The following FAM83G variants were observed in gnomAD, a reference collection of about 807,000 sequenced individuals.
The protein encoded by FAM83G is scaffolding CK1 anchoring protein G.
A neutral mutation model predicts 61.5 loss-of-function variants in FAM83G; 38 were observed. The ratio of observed to expected loss-of-function variants is 0.62; its 90% confidence interval spans 0.48 to 0.81. The LOEUF (loss-of-function observed/expected upper bound fraction) is 0.81. FAM83G is among the 30% of genes least tolerant of loss of function. FAM83G has a pLI of 0.00. For missense variants in FAM83G, 989 were observed against 1,133.6 expected, an observed-to-expected ratio of 0.87 and a Z score of 1.83; for synonymous variants, 470 against 476.1, an observed-to-expected ratio of 0.99 and a Z score of 0.17.
chr17:18,977,703 TTA>T lies in FAM83G; in HGVS notation c.1961_1962del (p.Ile654AsnfsTer55). 6.2e-7 allele frequency: 1 copy of T among 1,610,108 alleles called. No homozygotes were observed. The highest frequency in any genetic ancestry group is 8.5e-7 in the Non-Finnish European group (1 of 1,179,442). On this transcript the variant is annotated frameshift_variant, in exon 5 of 6. Coordinates refer to ENST00000388995, the MANE Select transcript of FAM83G (RefSeq NM_001039999.3). LOFTEE classifies it high-confidence loss of function. Reference protein sequence around the residue: ...PPRRQLSAPHITRGTFVGPQG... With the variant: ...PPRRQLSAPHXTRGTFVGPQG... Reference sequence around the variant, plus strand: ...TGGGGTCCAACAAAGGTCCCTCGGGTTATATGGGGGGCACTCAGCTGCCGGCG... The same window carrying T: ...TGGGGTCCAACAAAGGTCCCTCGGGTTATGGGGGGCACTCAGCTGCCGGCG...
intron 5 of FAM83G, among the ~76,000 whole-genome samples, chr17:18,972,867 TA>T (rs35947526): frequency 0.45 from 61,987 of 137,724 alleles, 14,449 homozygotes; most frequent in Admixed American, 0.55. Context: ...AGACTCCGTC[TA>T]AAAAAAAAAA....
intron 5 of FAM83G, among the ~76,000 whole-genome samples, chr17:18,973,884 GTTTTTTTT>G (rs35778801): frequency 0.098 from 9,356 of 95,716 alleles, 562 homozygotes; most frequent in South Asian, 0.37. Context: ...TTTTTTTTAA[GTTTTTTTT>G]TTTTTTTTTT....
intron 4 of FAM83G, 62 bp from the exon 5 acceptor site, chr17:18,978,912 G>T: frequency 6.4e-7 from 1 of 1,573,704 alleles, no homozygotes; most frequent in Non-Finnish European, 8.7e-7. Context: ...CCCAGCCCCC[G>T]TGCACCCATA....
At position 19,001,379 on chromosome 17, in the gene FAM83G, C is replaced by A. The variant is rs767916191; in HGVS notation, c.522+2141G>T. Reference sequence around the variant, plus strand: ...GTCTCTACTGCCTCTGAGGCCCCCACTGTGGGACCCTTGAGGACTCCCTGA... The same window carrying A: ...GTCTCTACTGCCTCTGAGGCCCCCAATGTGGGACCCTTGAGGACTCCCTGA... On this transcript the variant is annotated intron_variant, in intron 2 of 5. Coordinates refer to ENST00000388995, the MANE Select transcript of FAM83G (RefSeq NM_001039999.3). Among the ~76,000 whole-genome samples the A allele has an allele frequency of 6.9e-4, 105 of 152,318 alleles. 1 individual carries two copies. The highest frequency in any genetic ancestry group is 2.2e-3 in the Admixed American group (34 of 15,310).
At chr17:18,993,279 C>T (rs2043476883) in intron 2 of FAM83G, among the ~76,000 whole-genome samples, 1 of 152,190 alleles carries the variant, frequency 6.6e-6, no homozygotes, top group East Asian at 1.9e-4. Flanking sequence ...TGCATCTGCT[C>T]GGACAACTAC....
Position 18,968,932 on chromosome 17 carries a change from C to A in FAM83G, c.*2427G>T. On this transcript the variant is annotated 3_prime_UTR_variant, in exon 6 of 6. Coordinates refer to ENST00000388995, the MANE Select transcript of FAM83G (RefSeq NM_001039999.3). The surrounding 1 kb of genome is among the most constrained non-coding windows in gnomAD (Gnocchi z 4.1). ...TGCAGGCAGGCAGGCGAGTGGGGGT[C>A]TCCCCTCCTTATCCACAGGCCACCG... The A allele has an allele frequency of 2.5e-6, 2 of 806,996 alleles. No homozygotes were observed. Among genetic ancestry groups the A allele is most frequent in the Non-Finnish European group, 3.8e-6 (2 of 528,368 alleles). The allele number at this position is 806,996 out of a possible 1,614,324, so 50.0% of individuals were successfully genotyped here. A position where few individuals can be genotyped will look rare whatever the true frequency, so the allele number is the denominator to read the frequency against.
chr17:19,003,241 T>C lies in FAM83G; in HGVS notation c.522+279A>G, dbSNP rs1234493540. 6.6e-6 allele frequency among the ~76,000 whole-genome samples: 1 copy of C among 151,138 alleles called. No homozygotes were observed. The highest frequency in any genetic ancestry group is 1.5e-5 in the Non-Finnish European group (1 of 67,700). On this transcript the variant is annotated intron_variant, in intron 2 of 5. Coordinates refer to ENST00000388995, the MANE Select transcript of FAM83G (RefSeq NM_001039999.3). This position sits in a 1 kb window ranked among gnomAD's most constrained non-coding sequence, Gnocchi z 4.5. Reference sequence around the variant, plus strand: ...CACTCCACCCTATCTCGGTGCCTTCTTCTGGGGAACCAGAAACACCCTCCA... The same window carrying C: ...CACTCCACCCTATCTCGGTGCCTTCCTCTGGGGAACCAGAAACACCCTCCA...
chr17:18,982,357 G>C (rs983037179), intron 3 of FAM83G, among the ~76,000 whole-genome samples: 2 of 152,244 alleles, frequency 1.3e-5, no homozygotes, highest in African/African-American at 4.8e-5. Flanking sequence ...CACGGGGCCT[G>C]GCCTGGATGA....
intron 2 of FAM83G, among the ~76,000 whole-genome samples, chr17:18,990,620 C>G (rs1054598918): frequency 2.6e-5 from 4 of 152,344 alleles, no homozygotes; most frequent in South Asian, 2.1e-4. Context: ...CTCAGCCAGG[C>G]AGGGTGCCTG....
At chr17:18,988,593 TG>T (rs1333075251) in intron 2 of FAM83G, among the ~76,000 whole-genome samples, 179 bp from the exon 3 acceptor site, 7 of 152,206 alleles carry the variant, frequency 4.6e-5, no homozygotes, top group Non-Finnish European at 1.0e-4. Flanking sequence ...TCTCTTGCCC[TG>T]AAGTTCTAGT....
In FAM83G at chr17:18,978,694, C is replaced by T; in HGVS notation, c.972G>A (p.Glu324=). ...GIPMEKEPEP[E]PIVLPSVVPL... is the part of the protein sequence containing the mutation. ...GGACCACAGAGGGCAGCACAATAGG[C>T]TCCGGCTCCGGTTCCTTCTCCATAG... Residue 324 remains glutamate (E), a synonymous_variant, in exon 5 of 6, where the codon GAG becomes GAA. Transcript: ENST00000388995. 2 of 1,613,022 alleles carry T rather than the reference C, an allele frequency of 1.2e-6. No individual in the cohort carries two copies. The highest frequency in any genetic ancestry group is 1.7e-6 in the Non-Finnish European group (2 of 1,180,022).
chr17:18,976,336 C>T (rs2472717), intron 5 of FAM83G: 65,917 of 152,498 alleles, frequency 0.43, 15,640 homozygotes, highest in Admixed American at 0.54. Context: ...CCAGAAGGGC[C>T]GGTGTCCTCA....
chr17:18,977,841 G>C lies in FAM83G; in HGVS notation c.1825C>G (p.Pro609Ala). The change falls in exon 5 of 6, where the codon CCC becomes GCC. Residue 609 changes from proline to alanine, a missense_variant. Pro to Ala is a conservative substitution (Grantham distance 27). Around this residue, in one of 3 missense-constraint regions of FAM83G, gnomAD observed 574 missense variants for 645.1 expected, o/e 0.89. Coordinates refer to ENST00000388995, the MANE Select transcript of FAM83G (RefSeq NM_001039999.3). Reference sequence around the variant, plus strand: ...TCTGACACAGAGGAAGCCACTGAGGGCCGTCGGGGGCCAGGGCCACGGCCG... The same window carrying C: ...TCTGACACAGAGGAAGCCACTGAGGCCCGTCGGGGGCCAGGGCCACGGCCG... ...SSGRGPGPRR[P>A]SVASSVSEEY... 3 of 1,610,536 alleles carry C rather than the reference G, an allele frequency of 1.9e-6. No homozygotes were observed. The highest frequency in any genetic ancestry group is 2.5e-6 in the Non-Finnish European group (3 of 1,179,138).
At position 18,968,933 on chromosome 17, in the gene FAM83G, TC is replaced by T; in HGVS notation, c.*2425del. On this transcript the variant is annotated 3_prime_UTR_variant, in exon 6 of 6. Transcript: ENST00000388995. The surrounding 1 kb of genome is among the most constrained non-coding windows in gnomAD (Gnocchi z 4.1). ...GCAGGCAGGCAGGCGAGTGGGGGTC[TC>T]CCCTCCTTATCCACAGGCCACCGAG... The T allele has an allele frequency of 1.2e-6, 1 of 815,634 alleles. No individual in the cohort carries two copies. The highest frequency in any genetic ancestry group is 1.9e-6 in the Non-Finnish European group (1 of 536,064). The allele number at this position is 815,634 out of a possible 1,614,324, so 50.5% of individuals were successfully genotyped here. A position where few individuals can be genotyped will look rare whatever the true frequency, so the allele number is the denominator to read the frequency against.
At chr17:18,980,733 A>G (rs1045371890) in intron 3 of FAM83G, among the ~76,000 whole-genome samples, 4 of 152,138 alleles carry the variant, frequency 2.6e-5, no homozygotes, top group African/African-American at 9.7e-5. Context: ...ATCCCGAAGT[A>G]GAATCACAGG....
In FAM83G at chr17:19,003,603, C is replaced by T. The variant is rs768815400; in HGVS notation, c.439G>A (p.Ala147Thr). ...ATGGGGGGCTGCATGTAGACGCTAG[C>T]CCGGGTCACGCCGCGGTAGGCGATG... The part of the protein sequence containing the change: ...DTIAYRGVTR[A>T]SVYMQPPIDG... Residue 147 changes from alanine (A) to threonine (T), a missense_variant, in exon 2 of 6, where the codon GCT (alanine) becomes ACT (threonine). By Grantham distance (58) the Ala-to-Thr change is moderately conservative (BLOSUM62 0). Transcript: ENST00000388995. The surrounding 1 kb of genome is among the most constrained non-coding windows in gnomAD (Gnocchi z 4.5). The T allele has an allele frequency of 1.9e-6, 3 of 1,611,086 alleles. No homozygotes were observed. The South Asian group carries it at 3.3e-5, about 18-fold the overall frequency.
At chr17:18,992,841 C>A (rs931871671) in intron 2 of FAM83G, among the ~76,000 whole-genome samples, 3 of 152,110 alleles carry the variant, frequency 2.0e-5, no homozygotes. Context: ...CATCTCATTG[C>A]GCCCACAGGT....
chr17:18,972,893 C>G (rs907767970), intron 5 of FAM83G, among the ~76,000 whole-genome samples: 1 of 151,984 alleles, frequency 6.6e-6, no homozygotes, highest in South Asian at 2.1e-4. Context: ...AAGAACAGAC[C>G]CCAACTAGGA....
chr17:18,998,081 G>A (rs968538405), intron 2 of FAM83G, among the ~76,000 whole-genome samples: 6 of 152,204 alleles, frequency 3.9e-5, no homozygotes, highest in Non-Finnish European at 7.3e-5. Flanking sequence ...CACCCCACAT[G>A]GCATTTAACC....
Sources: gnomAD v4.1 joint callset for allele counts (sites outside exome capture counted in the v4.1 genomes callset) on GRCh38, gnomAD v4.1.1 for gene constraint, gnomAD v4.1.1 regional missense constraint, Gnocchi (gnomAD v3.1) non-coding constraint, MANE v1.5 for transcripts, NCBI Gene and HGNC (gene_info 2026-07-23, HGNC 2026-07-21) for gene names.